SCARB2: variants seen among roughly 807,000 people sequenced by gnomAD.
SCARB2 encodes scavenger receptor class B member 2.
A neutral mutation model predicts 58.6 loss-of-function variants in SCARB2; 29 were observed. That is an observed-to-expected ratio of 0.49 (90% confidence interval 0.37 to 0.67). The LOEUF (loss-of-function observed/expected upper bound fraction) is 0.67. SCARB2 is among the 30% of genes least tolerant of loss of function. The probability of loss-of-function intolerance (pLI) is 0.00; values close to 1 mark genes in which losing one functional copy is unlikely to be tolerated. For missense variants in SCARB2, 488 were observed against 578.5 expected, an observed-to-expected ratio of 0.84 and a Z score of 1.60; for synonymous variants, 195 against 210.1, an observed-to-expected ratio of 0.93 and a Z score of 0.62.
chr4:76,171,583 A>C (rs1247895097), intron 7 of SCARB2, among the ~76,000 whole-genome samples: 2 of 152,244 alleles, frequency 1.3e-5, no homozygotes, highest in East Asian at 3.8e-4. Flanking sequence ...TGTAGCAAGA[A>C]GTTTAAATGT....
At chr4:76,227,969 A>AT (rs1733427371) in intron 1 of SCARB2, among the ~76,000 whole-genome samples, 1 of 152,042 alleles carries the variant, frequency 6.6e-6, no homozygotes, top group Non-Finnish European at 1.5e-5. Context: ...TGGTTACTTG[A>AT]TTTTTATCTA....
Position 76,224,632 on chromosome 4 carries a change from G to A in SCARB2, c.-358+9671C>T, listed in dbSNP as rs189671640. 2.0e-5 allele frequency among the ~76,000 whole-genome samples: 3 copies of A among 152,244 alleles called. No individual in the cohort carries two copies. In the East Asian group the frequency reaches 5.8e-4, roughly 29 times the overall value. ...AGGCAGAGTGCAGTGGCATGATTTT[G>A]GTTCACTGCAACCTCTGCCTCCCAG... On this transcript the variant is annotated intron_variant, in intron 1 of 11. Coordinates refer to the SCARB2 transcript ENST00000638295.
chr4:76,190,740 C>T (rs1306794835), intron 2 of SCARB2, among the ~76,000 whole-genome samples: 1 of 152,044 alleles, frequency 6.6e-6, no homozygotes, highest in East Asian at 1.9e-4. Flanking sequence ...GCCAAGATCG[C>T]GCCACTGCAC....
At chr4:76,227,442 C>G (rs1733417221) in intron 1 of SCARB2, among the ~76,000 whole-genome samples, 1 of 152,056 alleles carries the variant, frequency 6.6e-6, no homozygotes, top group Admixed American at 6.5e-5. Context: ...TTATTGAGAC[C>G]TGTTTTGTGG....
At chr4:76,161,837 C>T in intron 11 of SCARB2, 86 bp from the exon 12 acceptor site, 1 of 1,303,326 alleles carries the variant, frequency 7.7e-7, no homozygotes, top group Non-Finnish European at 1.1e-6. Flanking sequence ...GGAGTGGGGG[C>T]ATGGAAGGAG....
At chr4:76,176,268 A>T (rs1560708807) in intron 5 of SCARB2, 169 bp downstream of exon 5, 3 of 617,972 alleles carry the variant, frequency 4.9e-6, no homozygotes, top group Non-Finnish European at 2.8e-6. Flanking sequence ...AATCTGTAAG[A>T]TGTTTTACCA....
intron 11 of SCARB2, 111 bp from the exon 12 acceptor site, chr4:76,161,862 A>T: frequency 1.0e-6 from 1 of 983,912 alleles, no homozygotes; most frequent in East Asian, 2.5e-5. Context: ...GACCTATAGG[A>T]AGGTGGCTCA....
intron 1 of SCARB2, among the ~76,000 whole-genome samples, chr4:76,225,976 T>C (rs1193447834): frequency 6.6e-6 from 1 of 152,234 alleles, no homozygotes; most frequent in Non-Finnish European, 1.5e-5. Context: ...CCAATTCATC[T>C]TTGAATGTCT....
upstream of SCARB2, among the ~76,000 whole-genome samples, chr4:76,218,685 T>C (rs998328976): frequency 1.3e-5 from 2 of 152,244 alleles, no homozygotes; most frequent in Admixed American, 6.5e-5. Flanking sequence ...TGCAGACTTA[T>C]TGAAACACGG....
At chr4:76,166,466 G>A in intron 9 of SCARB2, 165 bp from the exon 10 acceptor site, 1 of 715,186 alleles carries the variant, frequency 1.4e-6, no homozygotes, top group Non-Finnish European at 2.5e-6. Flanking sequence ...CCAAAAGTTA[G>A]ATTCCAGTCT....
intron 1 of SCARB2, among the ~76,000 whole-genome samples, chr4:76,209,786 G>C (rs1733003165): frequency 6.6e-6 from 1 of 152,200 alleles, no homozygotes; most frequent in Non-Finnish European, 1.5e-5. Context: ...AAGTGTATTT[G>C]TCCTGTTCAT....
chr4:76,215,086 A>G (rs959814460), upstream of SCARB2, among the ~76,000 whole-genome samples: 1 of 152,258 alleles, frequency 6.6e-6, no homozygotes, highest in East Asian at 1.9e-4. Context: ...GTGCTCAGTC[A>G]TGAGCTGGGA....
rs145426216 is a variant in SCARB2, at chr4:76,182,387, G to T, written c.276-1286C>A. Among the ~76,000 whole-genome samples the T allele has an allele frequency of 1.4e-3, 211 of 152,274 alleles. 1 individual carries two copies. The highest frequency in any genetic ancestry group is 6.2e-4 in the Non-Finnish European group (42 of 68,034). On this transcript the variant is annotated intron_variant, in intron 2 of 11. Transcript: ENST00000264896. ...TTTTATATTGATTATATATTGAAAT[G>T]ATGCTATTTCAGTTATAATGGGTAA... is the stretch of plus-strand genomic sequence containing the variant.
chr4:76,163,311 T>G lies in SCARB2; in HGVS notation c.1312A>C (p.Ile438Leu), dbSNP rs564332239. Reference protein sequence around the residue: ...MINTTLIITNIPYIIMALGVF... With the variant: ...MINTTLIITNLPYIIMALGVF... ...CCCAGCGCCATGATGATGTAGGGTA[T>G]GTTGGTGATGATCAAAGTAGTGTTA... is the stretch of plus-strand genomic sequence containing the variant. The change falls in exon 11 of 12, where the codon ATA becomes CTA. Residue 438 changes from isoleucine (I) to leucine (L), a missense_variant. Coordinates refer to ENST00000264896, the MANE Select transcript of SCARB2 (RefSeq NM_005506.4). The G allele has an allele frequency of 1.2e-6, 2 of 1,614,192 alleles. No individual in the cohort carries two copies. The highest frequency in any genetic ancestry group is 2.7e-5 in the African/African-American group (2 of 75,046).
intron 1 of SCARB2, among the ~76,000 whole-genome samples, chr4:76,223,259 A>G (rs146781800): frequency 1.3e-5 from 2 of 152,208 alleles, no homozygotes; most frequent in Non-Finnish European, 2.9e-5. Context: ...CTCCAAACAC[A>G]TACAGTGCTT....
At chr4:76,173,511 T>A (rs992708016) in intron 7 of SCARB2, 1 of 153,654 alleles carries the variant, frequency 6.5e-6, no homozygotes, top group South Asian at 2.0e-4. Flanking sequence ...TTTAATTTTT[T>A]TTTTTTTGTA....
At chr4:76,221,061 C>A (rs903021202) in intron 1 of SCARB2, among the ~76,000 whole-genome samples, 2 of 152,190 alleles carry the variant, frequency 1.3e-5, no homozygotes, top group Non-Finnish European at 2.9e-5. Flanking sequence ...AGAGTCAGCT[C>A]CCTAAGTCCA....
At chr4:76,193,855 A>G (rs540883309) in intron 2 of SCARB2, 1 of 152,348 alleles carries the variant, frequency 6.6e-6, no homozygotes, top group Admixed American at 6.5e-5. Flanking sequence ...AGGGATGATT[A>G]TATTTTAACA....
chr4:76,199,596 T>C (rs1732787134), intron 1 of SCARB2, among the ~76,000 whole-genome samples: 1 of 152,214 alleles, frequency 6.6e-6, no homozygotes, highest in Admixed American at 6.5e-5. Flanking sequence ...TTATCTGAAA[T>C]TCAAATTTAA....
Sources: gnomAD v4.1 joint callset for allele counts (sites outside exome capture counted in the v4.1 genomes callset) on GRCh38, gnomAD v4.1.1 for gene constraint, MANE v1.5 for transcripts, NCBI Gene and HGNC (gene_info 2026-07-23, HGNC 2026-07-21) for gene names.